PGP: variants seen among roughly 807,000 people sequenced by gnomAD.
PGP encodes the protein phosphoglycolate phosphatase, also known as aspartate-based ubiquitous Mg(2+)-dependent phosphatase.
PGP carries 9 observed loss-of-function variants against 19.3 expected under a neutral mutation model. The observed-to-expected ratio is 0.47, with a 90% CI of 0.28 to 0.81. The LOEUF is 0.81. Among genes scored for constraint, PGP ranks in the 40% least tolerant of loss-of-function variants. The probability of loss-of-function intolerance (pLI) is 0.11; values close to 1 mark genes in which losing one functional copy is unlikely to be tolerated. For missense variants in PGP, 403 were observed against 479.9 expected (o/e 0.84, Z 1.50); for synonymous variants, 308 against 226.8 (o/e 1.36, Z -3.22).
At position 2,213,796 on chromosome 16, in the gene PGP, T is replaced by C. The variant is rs755125080; in HGVS notation, c.898A>G (p.Lys300Glu). 7 of 1,600,616 alleles carry C rather than the reference T, an allele frequency of 4.4e-6. No individual in the cohort carries two copies. In the South Asian group the frequency reaches 6.6e-5, roughly 15 times the overall value. ...KNNQESDCVS[K>E]KKMVPDFYVD... ...TAGAAGTCAGGGACCATTTTCTTCTTAGACACGCAGTCACTTTCCTGATTA... is the reference window on the plus strand; with the variant it reads ...TAGAAGTCAGGGACCATTTTCTTCTCAGACACGCAGTCACTTTCCTGATTA... Residue 300 changes from lysine (K) to glutamate (E), a missense_variant, in exon 2 of 2, where the codon AAG (lysine) becomes GAG (glutamate). Lys to Glu is a moderately conservative substitution (Grantham distance 56). Transcript: ENST00000333503.
chr16:2,212,042 G>C lies in PGP; in HGVS notation c.*1686C>G. On this transcript the variant is annotated 3_prime_UTR_variant, in exon 2 of 2. Coordinates refer to ENST00000333503, the MANE Select transcript of PGP (RefSeq NM_001042371.3). ...GTGCTCTGGCGCCCACAGTGCTGCA[G>C]CCCCTCATGGGCCAGAGACAGGATG... 1 of 985,532 alleles carries C rather than the reference G, an allele frequency of 1.0e-6. No individual in the cohort carries two copies. Among genetic ancestry groups the C allele is most frequent in the Non-Finnish European group, 1.2e-6 (1 of 829,972 alleles). 61.0% of individuals were successfully genotyped at this position (985,532 alleles called of 1,614,324 possible). A position where few individuals can be genotyped will look rare whatever the true frequency, so the allele number is the denominator to read the frequency against.
rs11403 is a variant in PGP, at chr16:2,212,065, A to G, written c.*1663T>C. 0.52 allele frequency: 513,557 copies of G among 985,164 alleles called. 134,718 individuals are homozygous for G. The highest frequency in any genetic ancestry group is 0.62 in the East Asian group (5,464 of 8,804). 61.0% of individuals were successfully genotyped at this position (985,164 alleles called of 1,614,324 possible). On this transcript the variant is annotated 3_prime_UTR_variant, in exon 2 of 2. Transcript: ENST00000333503. ...CAGCCCCTCATGGGCCAGAGACAGG[A>G]TGCACGGGGACTCCCAGCCCCTACC...
In PGP at chr16:2,213,765, T is replaced by C; in HGVS notation, c.929A>G (p.Asp310Gly). ...KKKMVPDFYV[D>G]SIADLLPALQ... is the part of the protein sequence containing the mutation. Reference sequence around the variant, plus strand: ...GGCAGGCAAAAGGTCGGCTATGCTGTCAACATAGAAGTCAGGGACCATTTT... The same window carrying C: ...GGCAGGCAAAAGGTCGGCTATGCTGCCAACATAGAAGTCAGGGACCATTTT... Residue 310 changes from aspartate (D) to glycine (G), a missense_variant, in exon 2 of 2, where the codon GAC becomes GGC. Physicochemically the swap from Asp to Gly is moderately conservative, Grantham distance 94. Coordinates refer to ENST00000333503, the MANE Select transcript of PGP (RefSeq NM_001042371.3). 1 of 1,575,582 alleles carries C rather than the reference T, an allele frequency of 6.3e-7. No individual in the cohort carries two copies. The highest frequency in any genetic ancestry group is 8.7e-7 in the Non-Finnish European group (1 of 1,154,454).
In PGP at chr16:2,211,904, CCA is replaced by C. The variant is rs2093376315; in HGVS notation, c.*1822_*1823del. 3.0e-6 allele frequency: 3 copies of C among 985,398 alleles called. No homozygotes were observed. The African/African-American group carries it at 5.2e-5, about 17-fold the overall frequency. 61.0% of individuals were successfully genotyped at this position (985,398 alleles called of 1,614,324 possible). A position where few individuals can be genotyped will look rare whatever the true frequency, so the allele number is the denominator to read the frequency against. ...GCATTCCAGCTCTGGAGTTGGAACC[CCA>C]GTTACCCATCTACTTTGAGTCCTCC... On this transcript the variant is annotated 3_prime_UTR_variant, in exon 2 of 2. Coordinates refer to ENST00000333503, the MANE Select transcript of PGP (RefSeq NM_001042371.3).
Position 2,211,854 on chromosome 16 carries a change from G to A in PGP, c.*1874C>T, listed in dbSNP as rs910387507. The A allele has an allele frequency of 7.1e-6, 7 of 985,356 alleles. No individual in the cohort carries two copies. Among genetic ancestry groups the A allele is most frequent in the African/African-American group, 3.5e-5 (2 of 57,208 alleles). The allele number at this position is 985,356 out of a possible 1,614,324, so 61.0% of individuals were successfully genotyped here. A position where few individuals can be genotyped will look rare whatever the true frequency, so the allele number is the denominator to read the frequency against. ...CTCATTCTTCAAAACATCTTCCTCT[G>A]AACCAGGCTGGGAGTGGGCAGTTGG... On this transcript the variant is annotated 3_prime_UTR_variant, in exon 2 of 2. Transcript: ENST00000333503.
rs911762456 is a variant in PGP, at chr16:2,212,333, C to G, written c.*1395G>C. 92 of 986,178 alleles carry G rather than the reference C, an allele frequency of 9.3e-5. No homozygotes were observed. The highest frequency in any genetic ancestry group is 9.2e-4 in the Admixed American group (15 of 16,298). 61.1% of individuals were successfully genotyped at this position (986,178 alleles called of 1,614,324 possible). A position where few individuals can be genotyped will look rare whatever the true frequency, so the allele number is the denominator to read the frequency against. ...GAAGTCTTTGTGACCAAGTGGAGTG[C>G]TGTGACTGTGGGGCCAAGAGAGAAG... On this transcript the variant is annotated 3_prime_UTR_variant, in exon 2 of 2. Coordinates refer to ENST00000333503, the MANE Select transcript of PGP (RefSeq NM_001042371.3).
Position 2,214,493 on chromosome 16 carries a change from G to A in PGP, c.285C>T (p.Ser95=). 2 of 1,410,690 alleles carry A rather than the reference G, an allele frequency of 1.4e-6. No individual in the cohort carries two copies. The highest frequency in any genetic ancestry group is 1.8e-6 in the Non-Finnish European group (2 of 1,087,300). The allele number at this position is 1,410,690 out of a possible 1,614,324, so 87.4% of individuals were successfully genotyped here. A position where few individuals can be genotyped will look rare whatever the true frequency, so the allele number is the denominator to read the frequency against. ...GFGGPAGPGA[S]LEVFGTAYCT... ...AGTAGGCCGTGCCGAAGACCTCCAG[G>A]CTGGCGCCGGGCCCCGCGGGGCCGC... The change falls in exon 1 of 2, where the codon AGC becomes AGT. Residue 95 remains serine (S), a synonymous_variant. Coordinates refer to ENST00000333503, the MANE Select transcript of PGP (RefSeq NM_001042371.3). The surrounding 1 kb of genome is among the most constrained non-coding windows in gnomAD (Gnocchi z 7.1).
At position 2,212,933 on chromosome 16, in the gene PGP, G is replaced by A. The variant is rs1424202148; in HGVS notation, c.*795C>T. 33 of 976,088 alleles carry A rather than the reference G, an allele frequency of 3.4e-5. No homozygotes were observed. Among genetic ancestry groups the A allele is most frequent in the Non-Finnish European group, 1.7e-5 (14 of 823,298 alleles). 60.5% of individuals were successfully genotyped at this position (976,088 alleles called of 1,614,324 possible). ...TGTTCAAAGTTAAAAACTGGTAGCA[G>A]CACTGCTCTGAGCTCCCTGCACTGC... On this transcript the variant is annotated 3_prime_UTR_variant, in exon 2 of 2. Coordinates refer to ENST00000333503, the MANE Select transcript of PGP (RefSeq NM_001042371.3).
rs1056690612 is a variant in PGP, at chr16:2,212,801, C to G, written c.*927G>C. 1.0e-6 allele frequency: 1 copy of G among 985,508 alleles called. No individual in the cohort carries two copies. Among genetic ancestry groups the G allele is most frequent in the Non-Finnish European group, 1.2e-6 (1 of 829,946 alleles). 61.0% of individuals were successfully genotyped at this position (985,508 alleles called of 1,614,324 possible). On this transcript the variant is annotated 3_prime_UTR_variant, in exon 2 of 2. Transcript: ENST00000333503. Reference sequence around the variant, plus strand: ...TTCCTTGGCCAACACATGCTTCAGCCGCGCTGCCGGCTGCAGGGCACAGAG... The same window carrying G: ...TTCCTTGGCCAACACATGCTTCAGCGGCGCTGCCGGCTGCAGGGCACAGAG...
At position 2,213,931 on chromosome 16, in the gene PGP, T is replaced by G; in HGVS notation, c.763A>C (p.Thr255Pro). Residue 255 changes from threonine (T) to proline (P), a missense_variant, in exon 2 of 2, where the codon ACC becomes CCC. Physicochemically the swap from Thr to Pro is conservative, Grantham distance 38. Coordinates refer to ENST00000333503, the MANE Select transcript of PGP (RefSeq NM_001042371.3). ...SQEYGINPERTVMVGDRLDTD... is the reference protein window; with the variant it reads ...SQEYGINPERPVMVGDRLDTD... ...TCCAGGCGGTCTCCCACCATGACGG[T>G]GCGCTCGGGGTTGATGCCGTATTCC... is the stretch of plus-strand genomic sequence containing the variant. The G allele has an allele frequency of 6.2e-7, 1 of 1,612,796 alleles. No individual in the cohort carries two copies. The highest frequency in any genetic ancestry group is 8.5e-7 in the Non-Finnish European group (1 of 1,179,400).
At position 2,214,428 on chromosome 16, in the gene PGP, G is replaced by A. The variant is rs756734473; in HGVS notation, c.350C>T (p.Pro117Leu). ...LYLRQRLAGA[P>L]APKAYVLGSP... Reference sequence around the variant, plus strand: ...GCCCAGCACGTAGGCCTTGGGCGCGGGGGCGCCGGCCAGGCGCTGGCGCAG... The same window carrying A: ...GCCCAGCACGTAGGCCTTGGGCGCGAGGGCGCCGGCCAGGCGCTGGCGCAG... The change falls in exon 1 of 2, where the codon CCC (proline) becomes CTC (leucine). Residue 117 changes from proline (P) to leucine (L), a missense_variant. By Grantham distance (98) the Pro-to-Leu change is moderately conservative. Transcript: ENST00000333503. The surrounding 1 kb of genome is among the most constrained non-coding windows in gnomAD (Gnocchi z 7.1). 4 of 1,330,666 alleles carry A rather than the reference G, an allele frequency of 3.0e-6. No individual in the cohort carries two copies. The highest frequency in any genetic ancestry group is 2.6e-4 in the Middle Eastern group (1 of 3,852). The allele number at this position is 1,330,666 out of a possible 1,614,324, so 82.4% of individuals were successfully genotyped here.
At position 2,214,125 on chromosome 16, in the gene PGP, A is replaced by G; in HGVS notation, c.640+13T>C. 1.4e-5 allele frequency: 10 copies of G among 712,744 alleles called. No homozygotes were observed. The highest frequency in any genetic ancestry group is 1.3e-4 in the East Asian group (1 of 7,618). The allele number at this position is 712,744 out of a possible 1,614,324, so 44.2% of individuals were successfully genotyped here. A position where few individuals can be genotyped will look rare whatever the true frequency, so the allele number is the denominator to read the frequency against. On this transcript the variant is annotated intron_variant, in intron 1 of 1. Coordinates refer to ENST00000333503, the MANE Select transcript of PGP (RefSeq NM_001042371.3). This position sits in a 1 kb window ranked among gnomAD's most constrained non-coding sequence, Gnocchi z 7.1. ...CGCCCGCCCCCCAGCCTCCCGCCCC[A>G]GGGCGCACGGACCCGCGATGAAGCG...
chr16:2,211,906 A>G lies in PGP; in HGVS notation c.*1822T>C, dbSNP rs1361187864. Reference sequence around the variant, plus strand: ...ATTCCAGCTCTGGAGTTGGAACCCCAGTTACCCATCTACTTTGAGTCCTCC... The same window carrying G: ...ATTCCAGCTCTGGAGTTGGAACCCCGGTTACCCATCTACTTTGAGTCCTCC... On this transcript the variant is annotated 3_prime_UTR_variant, in exon 2 of 2. Coordinates refer to ENST00000333503, the MANE Select transcript of PGP (RefSeq NM_001042371.3). 5.1e-6 allele frequency: 5 copies of G among 985,376 alleles called. No homozygotes were observed. The allele number at this position is 985,376 out of a possible 1,614,324, so 61.0% of individuals were successfully genotyped here.
At position 2,213,052 on chromosome 16, in the gene PGP, C is replaced by G. The variant is rs1441122379; in HGVS notation, c.*676G>C. 11 of 985,386 alleles carry G rather than the reference C, an allele frequency of 1.1e-5. No homozygotes were observed. The highest frequency in any genetic ancestry group is 1.2e-5 in the Non-Finnish European group (10 of 829,970). 61.0% of individuals were successfully genotyped at this position (985,386 alleles called of 1,614,324 possible). On this transcript the variant is annotated 3_prime_UTR_variant, in exon 2 of 2. Transcript: ENST00000333503. ...CACACTTGAGACAGCAGAGCTTTAG[C>G]TGGGCTGCGTTTACAGAACTGGGCA... is the stretch of plus-strand genomic sequence containing the variant.
At position 2,212,248 on chromosome 16, in the gene PGP, C is replaced by T. The variant is rs2093377204; in HGVS notation, c.*1480G>A. 8 of 985,822 alleles carry T rather than the reference C, an allele frequency of 8.1e-6. 1 individual carries two copies. In the South Asian group the frequency reaches 3.8e-4, roughly 46 times the overall value. The allele number at this position is 985,822 out of a possible 1,614,324, so 61.1% of individuals were successfully genotyped here. ...CCCTCATGCTGCTCTGCAGCACCCT[C>T]TGAACCCGATATCCCAGGCCTGGGA... On this transcript the variant is annotated 3_prime_UTR_variant, in exon 2 of 2. Transcript: ENST00000333503.
Position 2,213,616 on chromosome 16 carries a change from TAC to T in PGP, c.*110_*111del. ...ATGAATGCCTTTGCTTAACTCCAAT[TAC>T]ACTCTTTGAAGCCACTTAGCCGAGC... On this transcript the variant is annotated 3_prime_UTR_variant, in exon 2 of 2. Coordinates refer to ENST00000333503, the MANE Select transcript of PGP (RefSeq NM_001042371.3). 9.4e-7 allele frequency: 1 copy of T among 1,061,398 alleles called. No individual in the cohort carries two copies. Among genetic ancestry groups the T allele is most frequent in the Non-Finnish European group, 1.3e-6 (1 of 764,808 alleles). 65.7% of individuals were successfully genotyped at this position (1,061,398 alleles called of 1,614,324 possible). A position where few individuals can be genotyped will look rare whatever the true frequency, so the allele number is the denominator to read the frequency against.
Position 2,212,860 on chromosome 16 carries a change from G to A in PGP, c.*868C>T. The A allele has an allele frequency of 3.0e-6, 3 of 985,498 alleles. No individual in the cohort carries two copies. Among genetic ancestry groups the A allele is most frequent in the Non-Finnish European group, 3.6e-6 (3 of 829,958 alleles). The allele number at this position is 985,498 out of a possible 1,614,324, so 61.0% of individuals were successfully genotyped here. ...AGTGGAATTTTGCCTACGACACAGA[G>A]CACAGCTATTAATACACTTAAAATT... On this transcript the variant is annotated 3_prime_UTR_variant, in exon 2 of 2. Coordinates refer to ENST00000333503, the MANE Select transcript of PGP (RefSeq NM_001042371.3).
Position 2,214,521 on chromosome 16 carries a change from A to T in PGP, c.257T>A (p.Phe86Tyr), listed in dbSNP as rs2093383108. The change falls in exon 1 of 2, where the codon TTC (phenylalanine) becomes TAC (tyrosine). Residue 86 changes from phenylalanine (F) to tyrosine (Y), a missense_variant. Coordinates refer to ENST00000333503, the MANE Select transcript of PGP (RefSeq NM_001042371.3). The surrounding 1 kb of genome is among the most constrained non-coding windows in gnomAD (Gnocchi z 7.1). ...GGCGCCGGGCCCCGCGGGGCCGCCGAAGCCCAGGCGCCGCAGCTTCTCGGC... is the reference window on the plus strand; with the variant it reads ...GGCGCCGGGCCCCGCGGGGCCGCCGTAGCCCAGGCGCCGCAGCTTCTCGGC... ...AYAEKLRRLGFGGPAGPGASL... is the reference protein window; with the variant it reads ...AYAEKLRRLGYGGPAGPGASL... 1 of 1,441,340 alleles carries T rather than the reference A, an allele frequency of 6.9e-7. No homozygotes were observed. The highest frequency in any genetic ancestry group is 9.1e-7 in the Non-Finnish European group (1 of 1,099,932). The allele number at this position is 1,441,340 out of a possible 1,614,324, so 89.3% of individuals were successfully genotyped here. A position where few individuals can be genotyped will look rare whatever the true frequency, so the allele number is the denominator to read the frequency against.
Position 2,214,472 on chromosome 16 carries a change from G to C in PGP, c.306C>G (p.Ala102=), listed in dbSNP as rs1329555524. ...PGASLEVFGT[A]YCTALYLRQR... ...GGCGCAGGTAGAGCGCGGTGCAGTA[G>C]GCCGTGCCGAAGACCTCCAGGCTGG... Residue 102 remains alanine (A), a synonymous_variant, in exon 1 of 2, where the codon GCC becomes GCG. Coordinates refer to ENST00000333503, the MANE Select transcript of PGP (RefSeq NM_001042371.3). This position sits in a 1 kb window ranked among gnomAD's most constrained non-coding sequence, Gnocchi z 7.1. 2.0e-5 allele frequency: 28 copies of C among 1,381,102 alleles called. No individual in the cohort carries two copies. The highest frequency in any genetic ancestry group is 3.1e-5 in the African/African-American group (2 of 65,344). 85.6% of individuals were successfully genotyped at this position (1,381,102 alleles called of 1,614,324 possible).
Sources: gnomAD v4.1 joint callset for allele counts on GRCh38, gnomAD v4.1.1 for gene constraint, Gnocchi (gnomAD v3.1) non-coding constraint, MANE v1.5 for transcripts, NCBI Gene and HGNC (gene_info 2026-07-23, HGNC 2026-07-21) for gene names.